EPHB1: variants seen among roughly 807,000 people sequenced by gnomAD.
EPHB1 encodes the protein ephrin type-B receptor 1.
A neutral mutation model predicts 94.4 loss-of-function variants in EPHB1; 30 were observed. That is an observed-to-expected ratio of 0.32 (90% CI 0.24 to 0.43). EPHB1 has a LOEUF of 0.43. EPHB1 is among the 20% of genes least tolerant of loss of function. EPHB1 has a pLI of 1.00. For synonymous variants in EPHB1, 522 were observed against 489.1 expected (o/e 1.07, Z -0.89); for missense variants, 1,055 against 1,308.3 (o/e 0.81, Z 2.99).
At chr3:135,230,725 C>G (rs1443808607) in intron 12 of EPHB1, among the ~76,000 whole-genome samples, 1 of 152,160 alleles carries the variant, frequency 6.6e-6, no homozygotes, top group Admixed American at 6.5e-5. Context: ...CTCCCTCCCT[C>G]TCACCTCTAG....
At chr3:134,845,109 G>C (rs1299459623) in intron 1 of EPHB1, among the ~76,000 whole-genome samples, 1 of 152,222 alleles carries the variant, frequency 6.6e-6, no homozygotes, top group Non-Finnish European at 1.5e-5. Flanking sequence ...TACTGGATGT[G>C]GAGTATTCTA....
chr3:135,174,084 A>G (rs991000350), intron 9 of EPHB1, among the ~76,000 whole-genome samples: 2 of 152,110 alleles, frequency 1.3e-5, no homozygotes, highest in Admixed American at 6.5e-5. Flanking sequence ...TAACAACCTC[A>G]TAGCTATTTT....
chr3:134,937,138 C>G (rs968580825), intron 2 of EPHB1, among the ~76,000 whole-genome samples: 2 of 152,184 alleles, frequency 1.3e-5, no homozygotes, highest in African/African-American at 4.8e-5. Context: ...CCTTGTCATT[C>G]AAAGAATATT....
intron 12 of EPHB1, among the ~76,000 whole-genome samples, chr3:135,229,177 G>C (rs893823684): frequency 2.6e-5 from 4 of 152,232 alleles, no homozygotes; most frequent in Admixed American, 2.0e-4. Flanking sequence ...CAGGGCTCAT[G>C]CAGGGAGGCA....
At chr3:134,886,796 G>A (rs1256008772) in intron 1 of EPHB1, among the ~76,000 whole-genome samples, 2 of 152,068 alleles carry the variant, frequency 1.3e-5, no homozygotes, top group South Asian at 4.1e-4. Context: ...GGAAATTCAG[G>A]CAGAGGGTGA....
chr3:135,008,613 A>G (rs1483419486), intron 3 of EPHB1, among the ~76,000 whole-genome samples: 1 of 152,222 alleles, frequency 6.6e-6, no homozygotes, highest in African/African-American at 2.4e-5. Flanking sequence ...CCCTTGTGGA[A>G]TCTTCTCTCA....
At chr3:135,072,525 C>T (rs1223160310) in intron 3 of EPHB1, among the ~76,000 whole-genome samples, 18 of 152,294 alleles carry the variant, frequency 1.2e-4, no homozygotes. Flanking sequence ...TAGCTCCTTC[C>T]AGTCTGCCCA....
At chr3:135,087,853 T>G (rs1385821245) in intron 3 of EPHB1, among the ~76,000 whole-genome samples, 1 of 152,110 alleles carries the variant, frequency 6.6e-6, no homozygotes. Context: ...CTCACCAGCA[T>G]TTACACTCTA....
At chr3:135,238,762 A>G (rs1943711693) in intron 12 of EPHB1, among the ~76,000 whole-genome samples, 1 of 152,096 alleles carries the variant, frequency 6.6e-6, no homozygotes, top group Non-Finnish European at 1.5e-5. Context: ...ACACACACAC[A>G]GTATACTAAT....
At chr3:134,971,769 C>G (rs1026402487) in intron 3 of EPHB1, among the ~76,000 whole-genome samples, 3 of 152,312 alleles carry the variant, frequency 2.0e-5, no homozygotes, top group African/African-American at 2.4e-5. Flanking sequence ...GGCTCCTGGC[C>G]TGTTTGAAAT....
intron 3 of EPHB1, among the ~76,000 whole-genome samples, chr3:134,956,230 T>C (rs1036731506): frequency 6.6e-6 from 1 of 152,008 alleles, no homozygotes; most frequent in Admixed American, 6.6e-5. Flanking sequence ...ATGACTGTCA[T>C]ATCTTCTGTG....
intron 1 of EPHB1, among the ~76,000 whole-genome samples, chr3:134,860,831 C>T (rs2037242271): frequency 6.8e-6 from 1 of 146,780 alleles, no homozygotes; most frequent in Admixed American, 6.8e-5. Flanking sequence ...TTTCTTGACG[C>T]TGTCCTGTGA....
intron 3 of EPHB1, among the ~76,000 whole-genome samples, chr3:134,952,391 T>TCTCA (rs147450369): frequency 4.1e-5 from 6 of 147,854 alleles, no homozygotes; most frequent in African/African-American, 1.5e-4. Context: ...ACACACACAC[T>TCTCA]CACACACACA....
intron 4 of EPHB1, among the ~76,000 whole-genome samples, chr3:135,113,390 A>G (rs1419091571): frequency 6.6e-6 from 1 of 152,226 alleles, no homozygotes; most frequent in Non-Finnish European, 1.5e-5. Flanking sequence ...GTTTTAAGCT[A>G]AAAGCCAGGC....
At chr3:134,911,734 T>C (rs1034573495) in intron 1 of EPHB1, among the ~76,000 whole-genome samples, 6 of 152,262 alleles carry the variant, frequency 3.9e-5, no homozygotes, top group African/African-American at 1.2e-4. Context: ...GGTAGCTGCA[T>C]GGTGATGCAG....
chr3:135,203,970 T>G (rs1942828400), intron 12 of EPHB1, among the ~76,000 whole-genome samples: 1 of 152,184 alleles, frequency 6.6e-6, no homozygotes, highest in African/African-American at 2.4e-5. Context: ...CATTTTTAAA[T>G]TTCACATATG....
At chr3:135,077,514 A>C (rs897512273) in intron 3 of EPHB1, among the ~76,000 whole-genome samples, 10 of 152,160 alleles carry the variant, frequency 6.6e-5, no homozygotes, top group African/African-American at 2.4e-4. Flanking sequence ...TCTAGTGTAC[A>C]TCACTGGGCC....
chr3:135,218,843 A>AT (rs1943215161), intron 12 of EPHB1, among the ~76,000 whole-genome samples: 3 of 152,244 alleles, frequency 2.0e-5, no homozygotes, highest in Admixed American at 2.0e-4. Context: ...GGAGAAGCAT[A>AT]TATCAAGCGT....
chr3:135,090,000 A>G (rs527252730), intron 3 of EPHB1, among the ~76,000 whole-genome samples: 1 of 152,340 alleles, frequency 6.6e-6, no homozygotes, highest in East Asian at 1.9e-4. Context: ...GACAAACCTG[A>G]AGGCAGTTGG....
Sources: allele counts gnomAD v4.1 joint callset (sites outside exome capture counted in the v4.1 genomes callset), GRCh38; gene constraint gnomAD v4.1.1; transcripts MANE v1.5; gene names NCBI Gene and HGNC (gene_info 2026-07-23, HGNC 2026-07-21).